Variants in COX20 observed in about 807,000 individuals in gnomAD.
COX20 encodes cytochrome c oxidase assembly factor COX20.
A neutral mutation model predicts 14.3 loss-of-function variants in COX20; 14 were observed. That is an observed-to-expected ratio of 0.98 (90% CI 0.65 to 1.53). The LOEUF (loss-of-function observed/expected upper bound fraction) is 1.53. Ranked by LOEUF, COX20 falls within the 40% of genes most tolerant of loss-of-function variation. The probability of loss-of-function intolerance (pLI) is 0.00; values close to 1 mark genes in which losing one functional copy is unlikely to be tolerated. For missense variants in COX20, 149 were observed against 142.1 expected, an observed-to-expected ratio of 1.05 and a Z score of -0.25; for synonymous variants, 56 against 51.7, an observed-to-expected ratio of 1.08 and a Z score of -0.36.
At position 244,842,067 on chromosome 1, in the gene COX20, CTG is replaced by C; in HGVS notation, c.157+11_157+12del. The C allele has an allele frequency of 1.3e-6, 2 of 1,579,830 alleles. No homozygotes were observed. The highest frequency in any genetic ancestry group is 1.7e-6 in the Non-Finnish European group (2 of 1,150,640). ...ACATTTTTTGTTCACTAGTGAGTAT[CTG>C]TATTTTTTATTTCTCTATGTACTAA... is the stretch of plus-strand genomic sequence containing the variant. On this transcript the variant is annotated intron_variant, in intron 2 of 3. Transcript: ENST00000411948.
chr1:244,842,786 A>G (rs1680260060), intron 3 of COX20: 3 of 305,734 alleles, frequency 9.8e-6, no homozygotes. Context: ...CTATCAGAAG[A>G]CTTAAAAACT....
At chr1:244,836,639 T>G in intron 1 of COX20, 2 of 881,812 alleles carry the variant, frequency 2.3e-6, no homozygotes, top group South Asian at 3.2e-5. Flanking sequence ...GGAAAAAAGT[T>G]TAATATAAAC....
In COX20 at chr1:244,843,363, A is replaced by T; in HGVS notation, c.*187A>T. The T allele has an allele frequency of 1.7e-6, 1 of 589,538 alleles. No homozygotes were observed. The highest frequency in any genetic ancestry group is 2.9e-6 in the Non-Finnish European group (1 of 340,246). The allele number at this position is 589,538 out of a possible 1,614,324, so 36.5% of individuals were successfully genotyped here. A position where few individuals can be genotyped will look rare whatever the true frequency, so the allele number is the denominator to read the frequency against. ...TGTCTACTGCCAGGATAGCATTCTT[A>T]CGTGTTACATATAGTGGACTTGTCA... On this transcript the variant is annotated 3_prime_UTR_variant, in exon 4 of 4. Coordinates refer to ENST00000411948, the MANE Select transcript of COX20 (RefSeq NM_198076.6).
upstream of COX20, chr1:244,835,480 T>C: frequency 2.6e-6 from 1 of 383,842 alleles, no homozygotes; most frequent in Non-Finnish European, 4.6e-6. Flanking sequence ...CTGCAGGCTG[T>C]GTGCCGAGCT....
chr1:244,844,682 C>T lies in COX20; in HGVS notation c.*1506C>T, dbSNP rs1195369376. On this transcript the variant is annotated 3_prime_UTR_variant, in exon 4 of 4. Coordinates refer to ENST00000411948, the MANE Select transcript of COX20 (RefSeq NM_198076.6). ...CTGAGGCAGGAGAATCACTTGAACC[C>T]GAGGTGGGGCAGGCGGAGGTTGCAG... 1.3e-5 allele frequency: 2 copies of T among 151,558 alleles called. No individual in the cohort carries two copies. Among genetic ancestry groups the T allele is most frequent in the East Asian group, 1.9e-4 (1 of 5,142 alleles). 9.4% of individuals were successfully genotyped at this position (151,558 alleles called of 1,614,324 possible). A position where few individuals can be genotyped will look rare whatever the true frequency, so the allele number is the denominator to read the frequency against.
intron 1 of COX20, among the ~76,000 whole-genome samples, chr1:244,836,913 A>G (rs1680006774): frequency 6.6e-6 from 1 of 151,740 alleles, no homozygotes; most frequent in Non-Finnish European, 1.5e-5. Context: ...CTGGTGCCTT[A>G]TCTGTTTTTA....
At chr1:244,839,035 C>G (rs765153917) in intron 1 of COX20, among the ~76,000 whole-genome samples, 7 of 152,132 alleles carry the variant, frequency 4.6e-5, no homozygotes, top group Non-Finnish European at 8.8e-5. Flanking sequence ...AGTGATCCAC[C>G]CACTTTGGCC....
intron 1 of COX20, among the ~76,000 whole-genome samples, chr1:244,839,321 A>G (rs1680102816): frequency 6.6e-6 from 1 of 152,080 alleles, no homozygotes; most frequent in Non-Finnish European, 1.5e-5. Flanking sequence ...GATCAGATCT[A>G]TTTCTATACA....
At chr1:244,842,092 T>TA (rs761779060) in intron 2 of COX20, 34 bp downstream of exon 2, 24 of 1,534,076 alleles carry the variant, frequency 1.6e-5, no homozygotes, top group Middle Eastern at 1.7e-4. Context: ...CTCTATGTAC[T>TA]AAAAAAAGCA....
At chr1:244,836,556 TC>T in intron 1 of COX20, 2 of 1,531,310 alleles carry the variant, frequency 1.3e-6, no homozygotes, top group Non-Finnish European at 1.8e-6. Flanking sequence ...TTTCCTGGGC[TC>T]CTTATTAAGA....
chr1:244,842,691 G>T, intron 3 of COX20: 1 of 236,410 alleles, frequency 4.2e-6, no homozygotes, highest in Non-Finnish European at 8.2e-6. Context: ...AGCTATTTAA[G>T]GTGGTAGAAA....
At position 244,843,582 on chromosome 1, in the gene COX20, AATGT is replaced by A. The variant is rs1680303599; in HGVS notation, c.*407_*410del. 6.5e-6 allele frequency: 1 copy of A among 154,712 alleles called. No individual in the cohort carries two copies. Among genetic ancestry groups the A allele is most frequent in the African/African-American group, 2.4e-5 (1 of 41,510 alleles). 9.6% of individuals were successfully genotyped at this position (154,712 alleles called of 1,614,324 possible). ...TACTTACTGAGTTCTTGTAAGAGCTAATGTCATTGTAAGATTTAAAACTAAGGGC... is the reference window on the plus strand; with the variant it reads ...TACTTACTGAGTTCTTGTAAGAGCTACATTGTAAGATTTAAAACTAAGGGC... On this transcript the variant is annotated 3_prime_UTR_variant, in exon 4 of 4. Coordinates refer to ENST00000411948, the MANE Select transcript of COX20 (RefSeq NM_198076.6).
At chr1:244,842,079 T>C (rs372138723) in intron 2 of COX20, 21 bp downstream of exon 2, 2 of 1,551,812 alleles carry the variant, frequency 1.3e-6, no homozygotes, top group South Asian at 1.1e-5. Context: ...GTATTTTTTA[T>C]TTCTCTATGT....
chr1:244,841,086 G>A (rs1161561734), intron 1 of COX20: 1 of 152,196 alleles, frequency 6.6e-6, no homozygotes, highest in Non-Finnish European at 1.5e-5. Context: ...CCGCCCTAGA[G>A]TGACAGACAT....
intron 1 of COX20, among the ~76,000 whole-genome samples, chr1:244,839,269 CTGAAGCAGA>C (rs1317381085): frequency 5.3e-5 from 8 of 152,188 alleles, no homozygotes; most frequent in African/African-American, 1.9e-4. Flanking sequence ...AATACGGGCA[CTGAAGCAGA>C]TTTAGTGGTG....
rs780698453 is a variant in COX20 at position 244,842,276 on chromosome 1, T to G, written c.221+18T>G. ...GGATGCTGGTATGTTTGCTAAGTAT[T>G]CAAGAACATCCATGATTATAGTAGG... On this transcript the variant is annotated intron_variant, in intron 3 of 3. Transcript: ENST00000411948. The G allele has an allele frequency of 3.2e-6, 5 of 1,539,420 alleles. No homozygotes were observed. The highest frequency in any genetic ancestry group is 4.5e-6 in the Non-Finnish European group (5 of 1,112,080).
chr1:244,841,912 T>C (rs370110081), intron 1 of COX20, 32 bp from the exon 2 acceptor site: 26 of 1,326,034 alleles, frequency 2.0e-5, no homozygotes, highest in Non-Finnish European at 2.8e-5. Flanking sequence ...AATACTTTCT[T>C]ACTCAATCTA....
At chr1:244,838,780 G>A (rs1680081267) in intron 1 of COX20, among the ~76,000 whole-genome samples, 1 of 151,458 alleles carries the variant, frequency 6.6e-6, no homozygotes, top group Non-Finnish European at 1.5e-5. Flanking sequence ...GGAGAGGGGT[G>A]TATAGAGGAT....
rs1437554126 is a variant in COX20, at chr1:244,844,027, T to C, written c.*851T>C. 1 of 152,166 alleles carries C rather than the reference T, an allele frequency of 6.6e-6. No homozygotes were observed. The highest frequency in any genetic ancestry group is 2.4e-5 in the African/African-American group (1 of 41,438). The allele number at this position is 152,166 out of a possible 1,614,324, so 9.4% of individuals were successfully genotyped here. On this transcript the variant is annotated 3_prime_UTR_variant, in exon 4 of 4. Transcript: ENST00000411948. ...ATACTTTAAGAAAATCTGTTAAATA[T>C]AACAAAACACAAGCTAGATGCTTAA...
Sources: allele counts gnomAD v4.1 joint callset (sites outside exome capture counted in the v4.1 genomes callset), GRCh38; gene constraint gnomAD v4.1.1; transcripts MANE v1.5; gene names NCBI Gene and HGNC (gene_info 2026-07-23, HGNC 2026-07-21).